WDR7: variants seen among roughly 807,000 people sequenced by gnomAD.
The protein encoded by WDR7 is WD repeat domain 7, also known as WD repeat-containing protein 7.
In WDR7, 46 loss-of-function variants were observed where a neutral mutation model predicts 169.4. The observed-to-expected ratio is 0.27, with a 90% CI of 0.21 to 0.35. The LOEUF (loss-of-function observed/expected upper bound fraction) is 0.35, where lower values mean the gene tolerates loss of function less well. Ranked by LOEUF, WDR7 falls within the 10% of genes least tolerant of loss-of-function variation. The probability of loss-of-function intolerance (pLI) is 1.00; values close to 1 mark genes in which losing one functional copy is unlikely to be tolerated. For synonymous variants in WDR7, 612 were observed against 666.8 expected (o/e 0.92, Z 1.27); for missense variants, 1,534 against 1,859.3 (o/e 0.83, Z 3.22).
At chr18:56,981,448 C>A (rs1288312036) in intron 26 of WDR7, among the ~76,000 whole-genome samples, 1 of 151,986 alleles carries the variant, frequency 6.6e-6, no homozygotes, top group Non-Finnish European at 1.5e-5. Context: ...ATATCATTGG[C>A]TTGTTGATGT....
In WDR7 at chr18:56,891,484, C is replaced by CTGT. The variant is rs967354826; in HGVS notation, c.3526+11333_3526+11335dup. On this transcript the variant is annotated intron_variant, in intron 21 of 27. Transcript: ENST00000254442. ...TATAAGTACTTATAAATGTTAGTTTCTGTTGTTGTTGTTGTTAAATGTGTT... is the reference window on the plus strand; with the variant it reads ...TATAAGTACTTATAAATGTTAGTTTCTGTTGTTGTTGTTGTTGTTAAATGTGTT... Among the ~76,000 whole-genome samples the CTGT allele has an allele frequency of 1.1e-4, 17 of 152,004 alleles. No homozygotes were observed. In the Middle Eastern group the frequency reaches 0.01, roughly 91 times the overall value.
intron 9 of WDR7, 139 bp from the exon 10 acceptor site, chr18:56,694,479 GT>G (rs1460977385): frequency 5.7e-6 from 4 of 700,514 alleles, no homozygotes; most frequent in African/African-American, 5.3e-5. Context: ...TTAAAATATT[GT>G]TGAATAATCA....
chr18:56,671,433 G>A (rs992526856), intron 1 of WDR7, among the ~76,000 whole-genome samples: 20 of 151,884 alleles, frequency 1.3e-4, no homozygotes, highest in African/African-American at 4.8e-4. Flanking sequence ...CACCATGCCT[G>A]GCTAATTTTT....
the WDR7 span, chr18:57,036,119 G>A: frequency 6.6e-6 from 1 of 152,284 alleles, no homozygotes; most frequent in Non-Finnish European, 1.5e-5. Context: ...GGGAGCAGCT[G>A]CGACAGCAGG....
chr18:56,838,779 C>T (rs968089492), intron 20 of WDR7, among the ~76,000 whole-genome samples: 4 of 151,948 alleles, frequency 2.6e-5, no homozygotes, highest in Non-Finnish European at 5.9e-5. Flanking sequence ...AATTGTTTTG[C>T]GTATTCAATG....
intron 1 of WDR7, among the ~76,000 whole-genome samples, chr18:56,668,836 A>G (rs1368580607): frequency 6.6e-6 from 1 of 152,152 alleles, no homozygotes; most frequent in Non-Finnish European, 1.5e-5. Context: ...CTTATTGAAT[A>G]TTAAGTACTG....
chr18:56,678,709 C>T (rs1218116818), intron 2 of WDR7, among the ~76,000 whole-genome samples: 1 of 152,180 alleles, frequency 6.6e-6, no homozygotes, highest in Non-Finnish European at 1.5e-5. Flanking sequence ...ATTGGTCAGG[C>T]TGGTCTTGAA....
chr18:56,761,318 T>G (rs1213272497), intron 16 of WDR7, among the ~76,000 whole-genome samples: 3 of 152,216 alleles, frequency 2.0e-5, no homozygotes, highest in South Asian at 2.1e-4. Flanking sequence ...CCAATAAAAT[T>G]TCTTTATAGA....
intron 21 of WDR7, among the ~76,000 whole-genome samples, chr18:56,912,689 T>G (rs1187513247): frequency 6.6e-6 from 1 of 152,098 alleles, no homozygotes; most frequent in African/African-American, 2.4e-5. Flanking sequence ...TGTTAAACCT[T>G]GACACTTTCT....
intron 12 of WDR7, among the ~76,000 whole-genome samples, chr18:56,713,458 C>A (rs1427711574): frequency 6.6e-6 from 1 of 152,070 alleles, no homozygotes; most frequent in Non-Finnish European, 1.5e-5. Context: ...TATAAATATA[C>A]AACTATTGGG....
chr18:56,700,330 C>T (rs1201970222), intron 12 of WDR7, among the ~76,000 whole-genome samples: 1 of 126,922 alleles, frequency 7.9e-6, no homozygotes, highest in Non-Finnish European at 1.6e-5. Flanking sequence ...GATCTCGGCT[C>T]ACTGCAACCT....
chr18:56,713,575 A>G lies in WDR7; in HGVS notation c.1579-4389A>G, dbSNP rs556915347. Among the ~76,000 whole-genome samples, 12 of 152,284 alleles carry G rather than the reference A, an allele frequency of 7.9e-5. No individual in the cohort carries two copies. In the East Asian group the frequency reaches 2.3e-3, roughly 29 times the overall value. ...GAGGTTCACATTTTTTAGTTGTTGTATTATTATTTTACTTATACAGTTTAA... is the reference window on the plus strand; with the variant it reads ...GAGGTTCACATTTTTTAGTTGTTGTGTTATTATTTTACTTATACAGTTTAA... On this transcript the variant is annotated intron_variant, in intron 12 of 27. Transcript: ENST00000254442.
At chr18:56,779,626 G>A in intron 18 of WDR7, 77 bp downstream of exon 18, 2 of 1,048,548 alleles carry the variant, frequency 1.9e-6, no homozygotes, top group Non-Finnish European at 2.8e-6. Flanking sequence ...AAACAAAAAT[G>A]ATTACTGTTT....
At chr18:56,976,708 C>T (rs903944013) in intron 26 of WDR7, among the ~76,000 whole-genome samples, 2 of 152,160 alleles carry the variant, frequency 1.3e-5, no homozygotes, top group Admixed American at 6.5e-5. Context: ...ACAAATACAC[C>T]CGTTAAGAAA....
chr18:56,795,325 G>C (rs996225360), intron 19 of WDR7, among the ~76,000 whole-genome samples: 3 of 152,102 alleles, frequency 2.0e-5, no homozygotes, highest in African/African-American at 7.2e-5. Context: ...AAGAATCTTG[G>C]TCCTTTTAGT....
chr18:56,989,767 T>TA (rs2047783610), intron 26 of WDR7, among the ~76,000 whole-genome samples: 1 of 152,206 alleles, frequency 6.6e-6, no homozygotes, highest in African/African-American at 2.4e-5. Context: ...TTTCCAAGCT[T>TA]ACCTTTATTC....
At chr18:56,853,378 G>A (rs1334199215) in intron 20 of WDR7, among the ~76,000 whole-genome samples, 1 of 152,140 alleles carries the variant, frequency 6.6e-6, no homozygotes, top group Non-Finnish European at 1.5e-5. Flanking sequence ...AAAAGACTGT[G>A]TGCAGTATAT....
At position 56,987,285 on chromosome 18, in the gene WDR7, CA is replaced by C. The variant is rs74182165; in HGVS notation, c.4164+24782del. Among the ~76,000 whole-genome samples, 321 of 75,258 alleles carry C rather than the reference CA, an allele frequency of 4.3e-3. 3 individuals are homozygous for C. Among genetic ancestry groups the C allele is most frequent in the East Asian group, 0.034 (63 of 1,850 alleles). The allele number at this position is 75,258 out of a possible 152,430, so 49.4% of individuals were successfully genotyped here. ...AAAGGTTAAGCCTTATCATCTGTAC[CA>C]AAAAAAAAAAAAAAAAAAAAAAAAA... On this transcript the variant is annotated intron_variant, in intron 26 of 27. Coordinates refer to ENST00000254442, the MANE Select transcript of WDR7 (RefSeq NM_015285.3).
Position 57,027,267 on chromosome 18 carries a change from C to T in WDR7, c.*60C>T. On this transcript the variant is annotated 3_prime_UTR_variant, in exon 28 of 28. Transcript: ENST00000254442. ...CTCTAAATTATCCAAGCCGATGTTG[C>T]TCTGTCCTTCCTCACACCAGATTGT... is the stretch of plus-strand genomic sequence containing the variant. 6.5e-7 allele frequency: 1 copy of T among 1,534,540 alleles called. No homozygotes were observed. The highest frequency in any genetic ancestry group is 1.2e-5 in the South Asian group (1 of 82,396).
Sources: gnomAD v4.1 joint callset for allele counts (sites outside exome capture counted in the v4.1 genomes callset) on GRCh38, gnomAD v4.1.1 for gene constraint, MANE v1.5 for transcripts, NCBI Gene and HGNC (gene_info 2026-07-23, HGNC 2026-07-21) for gene names.